MFSD6: variants seen among roughly 807,000 people sequenced by gnomAD.
The protein encoded by MFSD6 is major facilitator superfamily domain-containing protein 6.
In MFSD6, 26 loss-of-function variants were observed where a neutral mutation model predicts 56.3. That is an observed-to-expected ratio of 0.46 (90% CI 0.34 to 0.64). The LOEUF is 0.64. Ranked by LOEUF, MFSD6 falls within the 30% of genes least tolerant of loss-of-function variation. The pLI is 0.01. For missense variants in MFSD6, 750 were observed against 986.2 expected, an observed-to-expected ratio of 0.76 and a Z score of 3.21; for synonymous variants, 331 against 366.9, an observed-to-expected ratio of 0.90 and a Z score of 1.12.
rs941587959 is a variant in MFSD6 at position 190,499,078 on chromosome 2, G to A, written c.2173-937G>A. 6.6e-6 allele frequency among the ~76,000 whole-genome samples: 1 copy of A among 152,280 alleles called. No individual in the cohort carries two copies. The highest frequency in any genetic ancestry group is 2.4e-5 in the African/African-American group (1 of 41,554). ...GCAGAGAATTGCTTGAACCCAGCAG[G>A]AGGAGGTTGCAGTGAGCCAAGGTCA... On this transcript the variant is annotated intron_variant, in intron 7 of 7. Transcript: ENST00000392328. This position sits in a 1 kb window ranked among gnomAD's most constrained non-coding sequence, Gnocchi z 6.0.
rs1687382808 is a variant in MFSD6, at chr2:190,462,563, C to T, written c.1533-7195C>T. On this transcript the variant is annotated intron_variant, in intron 3 of 7. Transcript: ENST00000392328. The surrounding 1 kb of genome is among the most constrained non-coding windows in gnomAD (Gnocchi z 5.7). The stretch of plus-strand genomic sequence containing the variant: ...AGTACAAAGAGGAAGAAGACATGGC[C>T]GTTGTCTCCCAGGGTCTCAGTCTTC... Among the ~76,000 whole-genome samples, 1 of 152,148 alleles carries T rather than the reference C, an allele frequency of 6.6e-6. No homozygotes were observed. The highest frequency in any genetic ancestry group is 1.5e-5 in the Non-Finnish European group (1 of 68,040).
rs1374445945 is a variant in MFSD6 at position 190,490,209 on chromosome 2, C to T, written c.1891+343C>T. 6.6e-6 allele frequency among the ~76,000 whole-genome samples: 1 copy of T among 151,414 alleles called. No homozygotes were observed. The highest frequency in any genetic ancestry group is 1.5e-5 in the Non-Finnish European group (1 of 67,950). ...CATATAAGGCTATACAGTCATTTTG[C>T]TACTAGGGATAGGGAGTGAGTGGTA... On this transcript the variant is annotated intron_variant, in intron 6 of 7. Transcript: ENST00000392328. This position sits in a 1 kb window ranked among gnomAD's most constrained non-coding sequence, Gnocchi z 4.5.
chr2:190,500,863 T>C lies in MFSD6; in HGVS notation c.*645T>C, dbSNP rs1379333685. ...ATGGCATATAATGGAAATAATTCTT[T>C]GAGCAACAGAAGCTATTATTAACTA... On this transcript the variant is annotated 3_prime_UTR_variant, in exon 8 of 8. Coordinates refer to ENST00000392328, the MANE Select transcript of MFSD6 (RefSeq NM_017694.4). This position sits in a 1 kb window ranked among gnomAD's most constrained non-coding sequence, Gnocchi z 5.3. 6.6e-6 allele frequency: 1 copy of C among 152,236 alleles called. No individual in the cohort carries two copies. Among genetic ancestry groups the C allele is most frequent in the Admixed American group, 6.5e-5 (1 of 15,288 alleles). The allele number at this position is 152,236 out of a possible 1,614,324, so 9.4% of individuals were successfully genotyped here.
rs1008870246 is a variant in MFSD6, at chr2:190,451,682, T to C, written c.1532+14121T>C. Among the ~76,000 whole-genome samples, 1 of 152,208 alleles carries C rather than the reference T, an allele frequency of 6.6e-6. No individual in the cohort carries two copies. Among genetic ancestry groups the C allele is most frequent in the East Asian group, 1.9e-4 (1 of 5,198 alleles). ...AGGAAGTGGCATTTGAGCAGAGTCC[T>C]GAATGGAAGCCCCCAGTGAAGATCT... On this transcript the variant is annotated intron_variant, in intron 3 of 7. Coordinates refer to ENST00000392328, the MANE Select transcript of MFSD6 (RefSeq NM_017694.4). This position sits in a 1 kb window ranked among gnomAD's most constrained non-coding sequence, Gnocchi z 5.0.
intron 4 of MFSD6, among the ~76,000 whole-genome samples, chr2:190,478,909 G>A (rs962635890): frequency 2.0e-5 from 3 of 152,024 alleles, no homozygotes; most frequent in African/African-American, 7.2e-5. Context: ...ACGAGAACTA[G>A]TACTGTCTAG....
At position 190,461,778 on chromosome 2, in the gene MFSD6, T is replaced by C. The variant is rs1032119576; in HGVS notation, c.1533-7980T>C. On this transcript the variant is annotated intron_variant, in intron 3 of 7. Coordinates refer to ENST00000392328, the MANE Select transcript of MFSD6 (RefSeq NM_017694.4). The surrounding 1 kb of genome is among the most constrained non-coding windows in gnomAD (Gnocchi z 5.5). ...ACATTGGTGAATTAGTTTCAACATA[T>C]GAATTTTGGAGGGTATACAGACATT... 1.3e-5 allele frequency among the ~76,000 whole-genome samples: 2 copies of C among 152,224 alleles called. No individual in the cohort carries two copies. Among genetic ancestry groups the C allele is most frequent in the Admixed American group, 1.3e-4 (2 of 15,278 alleles).
chr2:190,468,453 A>T (rs756009748), intron 3 of MFSD6, among the ~76,000 whole-genome samples: 221 of 140,036 alleles, frequency 1.6e-3, no homozygotes, highest in Middle Eastern at 7.5e-3. Flanking sequence ...ATAGGAATGA[A>T]TTTTTTTTTT....
chr2:190,468,242 T>A (rs1041539670), intron 3 of MFSD6, among the ~76,000 whole-genome samples: 1 of 152,190 alleles, frequency 6.6e-6, no homozygotes, highest in African/African-American at 2.4e-5. Context: ...TAGAACAAGA[T>A]GACCCAGACT....
chr2:190,431,532 G>A lies in MFSD6; in HGVS notation c.-53-4445G>A, dbSNP rs564267003. On this transcript the variant is annotated intron_variant, in intron 2 of 7. Transcript: ENST00000392328. This position sits in a 1 kb window ranked among gnomAD's most constrained non-coding sequence, Gnocchi z 4.4. The stretch of plus-strand genomic sequence containing the variant: ...AGCCCGGCCAACACAGCGAAACCCC[G>A]TCTCCACCAAAAAAATACGAAAACC... 3.9e-4 allele frequency among the ~76,000 whole-genome samples: 60 copies of A among 152,312 alleles called. No homozygotes were observed. The highest frequency in any genetic ancestry group is 6.6e-4 in the Non-Finnish European group (45 of 68,002).
chr2:190,447,285 G>C lies in MFSD6; in HGVS notation c.1532+9724G>C, dbSNP rs1686618703. Reference sequence around the variant, plus strand: ...TGTTTTGCTTTTAGCCAAAAGGACAGCTGGCAATGTTCTGTTAGACATGAG... The same window carrying C: ...TGTTTTGCTTTTAGCCAAAAGGACACCTGGCAATGTTCTGTTAGACATGAG... On this transcript the variant is annotated intron_variant, in intron 3 of 7. Transcript: ENST00000392328. This position sits in a 1 kb window ranked among gnomAD's most constrained non-coding sequence, Gnocchi z 4.5. 6.6e-6 allele frequency among the ~76,000 whole-genome samples: 1 copy of C among 152,196 alleles called. No individual in the cohort carries two copies. The highest frequency in any genetic ancestry group is 1.5e-5 in the Non-Finnish European group (1 of 68,034).
rs1233693950 is a variant in MFSD6 at position 190,439,366 on chromosome 2, ATTTG to A, written c.1532+1809_1532+1812del. On this transcript the variant is annotated intron_variant, in intron 3 of 7. Transcript: ENST00000392328. The surrounding 1 kb of genome is among the most constrained non-coding windows in gnomAD (Gnocchi z 5.8). ...TCTATTTTCTTTTTTTTCACGTTTT[ATTTG>A]TTTATTTTTTTATTATACTTTAAGT... 4.0e-5 allele frequency among the ~76,000 whole-genome samples: 6 copies of A among 151,626 alleles called. No homozygotes were observed. The highest frequency in any genetic ancestry group is 1.2e-4 in the African/African-American group (5 of 41,276).
intron 3 of MFSD6, among the ~76,000 whole-genome samples, chr2:190,440,392 A>G (rs1205307804): frequency 6.6e-6 from 1 of 152,216 alleles, no homozygotes; most frequent in East Asian, 1.9e-4. Context: ...TCAGGCAAAT[A>G]GGATAATAAT....
chr2:190,452,959 T>C (rs148413799), intron 3 of MFSD6, among the ~76,000 whole-genome samples: 1 of 152,352 alleles, frequency 6.6e-6, no homozygotes, highest in East Asian at 1.9e-4. Context: ...GCTCATTCAA[T>C]ATTTCTTTAA....
At chr2:190,432,857 C>CT (rs1370322526) in intron 2 of MFSD6, among the ~76,000 whole-genome samples, 1 of 146,642 alleles carries the variant, frequency 6.8e-6, no homozygotes, top group Non-Finnish European at 1.5e-5. Context: ...CTCTCTCTCT[C>CT]TTTCACTCAC....
rs909801625 is a variant in MFSD6 at position 190,478,557 on chromosome 2, C to G, written c.1630+8702C>G. On this transcript the variant is annotated intron_variant, in intron 4 of 7. Coordinates refer to ENST00000392328, the MANE Select transcript of MFSD6 (RefSeq NM_017694.4). ...GGCTCGTCCAAATGGCTTTAAAGTC[C>G]GTGTGCTTAAAGGAGACTCTATTTA... Among the ~76,000 whole-genome samples, 15 of 152,196 alleles carry G rather than the reference C, an allele frequency of 9.9e-5. No homozygotes were observed. The East Asian group carries it at 2.1e-3, about 22-fold the overall frequency.
In MFSD6 at chr2:190,457,854, G is replaced by T. The variant is rs745880184; in HGVS notation, c.1533-11904G>T. Among the ~76,000 whole-genome samples the T allele has an allele frequency of 3.9e-5, 6 of 152,132 alleles. No homozygotes were observed. The highest frequency in any genetic ancestry group is 5.9e-5 in the Non-Finnish European group (4 of 68,028). ...TTGGCCAGCGTGCAGCATATGCCCCGCCATGCTGCCCATTTTAAAACCAGA... is the reference window on the plus strand; with the variant it reads ...TTGGCCAGCGTGCAGCATATGCCCCTCCATGCTGCCCATTTTAAAACCAGA... On this transcript the variant is annotated intron_variant, in intron 3 of 7. Transcript: ENST00000392328. The surrounding 1 kb of genome is among the most constrained non-coding windows in gnomAD (Gnocchi z 5.1).
Position 190,500,307 on chromosome 2 carries a change from C to G in MFSD6, c.*89C>G. Reference sequence around the variant, plus strand: ...GCCCCCCAGCCAGGATATGCCTCCCCTGGAGGAGCACAGCACTGCATATGC... The same window carrying G: ...GCCCCCCAGCCAGGATATGCCTCCCGTGGAGGAGCACAGCACTGCATATGC... On this transcript the variant is annotated 3_prime_UTR_variant, in exon 8 of 8. Coordinates refer to ENST00000392328, the MANE Select transcript of MFSD6 (RefSeq NM_017694.4). The surrounding 1 kb of genome is among the most constrained non-coding windows in gnomAD (Gnocchi z 5.3). 1.4e-6 allele frequency: 2 copies of G among 1,389,986 alleles called. No individual in the cohort carries two copies. Among genetic ancestry groups the G allele is most frequent in the East Asian group, 2.4e-5 (1 of 42,460 alleles). 86.1% of individuals were successfully genotyped at this position (1,389,986 alleles called of 1,614,324 possible).
At chr2:190,470,312 C>T (rs1471075611) in intron 4 of MFSD6, among the ~76,000 whole-genome samples, 1 of 152,056 alleles carries the variant, frequency 6.6e-6, no homozygotes, top group Non-Finnish European at 1.5e-5. Context: ...AGTTTTATAG[C>T]CACACCGTTG....
rs1687679712 is a variant in MFSD6 at position 190,467,715 on chromosome 2, A to G, written c.1533-2043A>G. ...CTGTTTTTATATGGCCCGTGAACTA[A>G]GAATAATAGTTTCTACATGTTTAAA... On this transcript the variant is annotated intron_variant, in intron 3 of 7. Transcript: ENST00000392328. This position sits in a 1 kb window ranked among gnomAD's most constrained non-coding sequence, Gnocchi z 5.5. Among the ~76,000 whole-genome samples, 1 of 152,242 alleles carries G rather than the reference A, an allele frequency of 6.6e-6. No individual in the cohort carries two copies. Among genetic ancestry groups the G allele is most frequent in the South Asian group, 2.1e-4 (1 of 4,830 alleles).
Sources: allele counts gnomAD v4.1 joint callset (sites outside exome capture counted in the v4.1 genomes callset), GRCh38; gene constraint gnomAD v4.1.1; non-coding constraint Gnocchi (gnomAD v3.1); transcripts MANE v1.5; gene names NCBI Gene and HGNC (gene_info 2026-07-23, HGNC 2026-07-21).